LSM12: variants seen among roughly 807,000 people sequenced by gnomAD.
The protein encoded by LSM12 is LSM12 homolog, also known as protein LSM12.
For synonymous variants in LSM12, 74 were observed against 87.3 expected (o/e 0.85, Z 0.85); for missense variants, 108 against 238.9 (o/e 0.45, Z 3.61).
At chr17:44,042,406 C>CT (rs2049506615) in intron 2 of LSM12, among the ~76,000 whole-genome samples, 1 of 152,028 alleles carries the variant, frequency 6.6e-6, no homozygotes, top group African/African-American at 2.4e-5. Context: ...CTAAGCATAG[C>CT]TTTTTTTCTT....
chr17:44,049,976 C>G (rs77292650), intron 2 of LSM12, among the ~76,000 whole-genome samples: 2,626 of 152,296 alleles, frequency 0.017, 52 homozygotes, highest in Admixed American at 0.02. Flanking sequence ...GCTTATGACG[C>G]CTGCAAGCCT....
chr17:44,040,604 A>C (rs1311286759), intron 2 of LSM12, among the ~76,000 whole-genome samples: 2 of 152,154 alleles, frequency 1.3e-5, no homozygotes, highest in African/African-American at 4.8e-5. Context: ...ACTAGGAAGA[A>C]AATAAAGCAC....
intron 2 of LSM12, among the ~76,000 whole-genome samples, chr17:44,051,257 C>T (rs2049639386): frequency 6.6e-6 from 1 of 151,954 alleles, no homozygotes; most frequent in Admixed American, 6.6e-5. Flanking sequence ...ATTAGCCAGG[C>T]GTGATGGCGG....
intron 2 of LSM12, among the ~76,000 whole-genome samples, chr17:44,062,996 G>A (rs191661822): frequency 3.4e-4 from 52 of 152,156 alleles, no homozygotes; most frequent in African/African-American, 1.2e-3. Flanking sequence ...CTTAACCTGG[G>A]AGGCGGAGGT....
rs189370398 is a variant in LSM12 at position 44,051,879 on chromosome 17, G to A, written c.259-11623C>T. Among the ~76,000 whole-genome samples, 427 of 152,024 alleles carry A rather than the reference G, an allele frequency of 2.8e-3. 5 individuals are homozygous for A. Among genetic ancestry groups the A allele is most frequent in the African/African-American group, 9.5e-3 (394 of 41,492 alleles). On this transcript the variant is annotated intron_variant, in intron 2 of 4. Transcript: ENST00000293406. The stretch of plus-strand genomic sequence containing the variant: ...TCCCAGCATTTTGAGAGGCCGAGGC[G>A]GGTGGATCACTTGAGGTCACGAGTT...
intron 1 of LSM12, 38 bp from the exon 2 acceptor site, chr17:44,063,972 AGCAGAG>A (rs2049834321): frequency 6.2e-7 from 1 of 1,606,810 alleles, no homozygotes; most frequent in East Asian, 2.2e-5. Flanking sequence ...AAATAGGACA[AGCAGAG>A]GCACTGACAC....
intron 2 of LSM12, among the ~76,000 whole-genome samples, chr17:44,059,565 C>T (rs1442465080): frequency 6.6e-6 from 1 of 152,060 alleles, no homozygotes; most frequent in African/African-American, 2.4e-5. Context: ...AAAAAGAATT[C>T]CCCCTACTGC....
chr17:44,041,184 T>A (rs1273114664), intron 2 of LSM12, among the ~76,000 whole-genome samples: 2 of 151,076 alleles, frequency 1.3e-5, no homozygotes, highest in East Asian at 2.0e-4. Flanking sequence ...GGCAGCAGAA[T>A]CACTTGAACA....
intron 2 of LSM12, among the ~76,000 whole-genome samples, chr17:44,055,101 C>T (rs1308017205): frequency 3.3e-5 from 5 of 151,994 alleles, no homozygotes; most frequent in Admixed American, 2.6e-4. Flanking sequence ...CTGCCCGCCT[C>T]GGCCTCCCAA....
chr17:44,056,941 T>C (rs746540894), intron 2 of LSM12, among the ~76,000 whole-genome samples: 2 of 151,530 alleles, frequency 1.3e-5, no homozygotes, highest in Non-Finnish European at 2.9e-5. Context: ...TGGTAAGCTG[T>C]AATCGTGCCA....
At chr17:44,044,872 A>G (rs187612669) in intron 2 of LSM12, among the ~76,000 whole-genome samples, 7 of 152,254 alleles carry the variant, frequency 4.6e-5, no homozygotes, top group Admixed American at 3.3e-4. Context: ...ATTTTTGCAA[A>G]TGACTATATA....
intron 2 of LSM12, among the ~76,000 whole-genome samples, chr17:44,053,343 A>G (rs1308890908): frequency 3.9e-5 from 6 of 152,222 alleles, no homozygotes; most frequent in Admixed American, 3.3e-4. Context: ...TGGCCAATAC[A>G]GCCTAAAAGA....
At chr17:44,063,693 T>C (rs915608674) in intron 2 of LSM12, 108 bp downstream of exon 2, 43 of 1,259,188 alleles carry the variant, frequency 3.4e-5, no homozygotes, top group Non-Finnish European at 3.6e-5. Flanking sequence ...CAAACAATTT[T>C]AAGTCAATTT....
intron 2 of LSM12, among the ~76,000 whole-genome samples, chr17:44,047,938 C>T (rs1457215045): frequency 6.6e-6 from 1 of 151,264 alleles, no homozygotes; most frequent in Non-Finnish European, 1.5e-5. Flanking sequence ...AATCCTAGCA[C>T]TTTGGGAGGC....
chr17:44,056,351 T>C (rs1372203727), intron 2 of LSM12, among the ~76,000 whole-genome samples: 1 of 142,530 alleles, frequency 7.0e-6, no homozygotes, highest in African/African-American at 2.6e-5. Flanking sequence ...CTCCTGTAAA[T>C]CCACCACTTT....
chr17:44,052,487 G>A (rs909061529), intron 2 of LSM12, among the ~76,000 whole-genome samples: 4 of 151,992 alleles, frequency 2.6e-5, no homozygotes, highest in East Asian at 1.9e-4. Context: ...GGCCGGGTGC[G>A]GTGGCTCACA....
intron 4 of LSM12, 66 bp from the exon 5 acceptor site, chr17:44,036,366 A>T (rs1567953770): frequency 6.2e-7 from 1 of 1,603,752 alleles, no homozygotes; most frequent in Non-Finnish European, 8.5e-7. Flanking sequence ...CAAACAATCC[A>T]ACCCAGGTTT....
At chr17:44,037,685 G>C in intron 3 of LSM12, 147 bp from the exon 4 acceptor site, 2 of 904,596 alleles carry the variant, frequency 2.2e-6, no homozygotes, top group Non-Finnish European at 3.1e-6. Flanking sequence ...CCATATAGTA[G>C]CCAAGAAACA....
chr17:44,057,437 C>G (rs113062723), intron 2 of LSM12, among the ~76,000 whole-genome samples: 4,066 of 150,386 alleles, frequency 0.027, 175 homozygotes, highest in African/African-American at 0.094. Flanking sequence ...CGTGAGCCAC[C>G]GTGCCTGGGT....
Sources: gnomAD v4.1 joint callset for allele counts (sites outside exome capture counted in the v4.1 genomes callset) on GRCh38, gnomAD v4.1.1 for gene constraint, MANE v1.5 for transcripts, NCBI Gene and HGNC (gene_info 2026-07-23, HGNC 2026-07-21) for gene names.